Variants in STK3 observed in about 807,000 individuals in gnomAD.
STK3 encodes serine/threonine-protein kinase 3.
STK3 carries 41 observed loss-of-function variants against 58.0 expected under a neutral mutation model. The ratio of observed to expected loss-of-function variants is 0.71; its 90% confidence interval spans 0.55 to 0.92. The LOEUF (loss-of-function observed/expected upper bound fraction) is 0.92, where lower values mean the gene tolerates loss of function less well. STK3 is among the 40% of genes least tolerant of loss of function. STK3 has a pLI of 0.00. For synonymous variants in STK3, 170 were observed against 191.0 expected (o/e 0.89, Z 0.91); for missense variants, 479 against 602.7 (o/e 0.79, Z 2.15).
In STK3 at chr8:98,872,695, A is replaced by T. The variant is rs180857206; in HGVS notation, c.110+10952T>A. ...GGGATTGGTGGTGATATCCTCTTTAACATTTTTTATTGCGTCTATCTGATT... is the reference window on the plus strand; with the variant it reads ...GGGATTGGTGGTGATATCCTCTTTATCATTTTTTATTGCGTCTATCTGATT... On this transcript the variant is annotated intron_variant, in intron 3 of 12. Transcript: ENST00000523601. 2.0e-5 allele frequency among the ~76,000 whole-genome samples: 3 copies of T among 151,956 alleles called. No individual in the cohort carries two copies. The East Asian group carries it at 5.8e-4, about 29-fold the overall frequency.
chr8:98,815,258 T>C (rs1448228282), intron 1 of STK3, among the ~76,000 whole-genome samples: 1 of 152,186 alleles, frequency 6.6e-6, no homozygotes, highest in Non-Finnish European at 1.5e-5. Context: ...GGAGAGACTA[T>C]CCAGAGAAAA....
intron 1 of STK3, among the ~76,000 whole-genome samples, chr8:98,806,312 T>A (rs1000850197): frequency 1.3e-5 from 2 of 152,064 alleles, no homozygotes; most frequent in African/African-American, 2.4e-5. Flanking sequence ...AAAAAATATA[T>A]CTTCCTATAT....
intron 8 of STK3, among the ~76,000 whole-genome samples, chr8:98,556,947 G>A (rs1811634548): frequency 6.6e-6 from 1 of 152,040 alleles, no homozygotes; most frequent in Non-Finnish European, 1.5e-5. Flanking sequence ...AATCTAAAGA[G>A]AAAGTTGAGA....
chr8:98,419,218 G>T (rs1462880786), intron 3 of STK3, among the ~76,000 whole-genome samples: 1 of 152,142 alleles, frequency 6.6e-6, no homozygotes, highest in African/African-American at 2.4e-5. Flanking sequence ...AAAATTAGCT[G>T]GGCGTGGTGG....
chr8:98,816,548 C>T (rs180994105), intron 1 of STK3, among the ~76,000 whole-genome samples: 2 of 152,034 alleles, frequency 1.3e-5, no homozygotes, highest in East Asian at 3.9e-4. Context: ...AAAACACAAC[C>T]TAGAGACAGT....
chr8:98,628,967 G>A (rs1447120339), intron 6 of STK3, among the ~76,000 whole-genome samples: 1 of 152,136 alleles, frequency 6.6e-6, no homozygotes, highest in East Asian at 1.9e-4. Context: ...GGGGGATGTT[G>A]AGAGAAGCCT....
At chr8:98,630,224 T>C (rs1163863465) in intron 6 of STK3, among the ~76,000 whole-genome samples, 2 of 152,198 alleles carry the variant, frequency 1.3e-5, no homozygotes, top group African/African-American at 4.8e-5. Context: ...TCAATGGCAG[T>C]TGTCTCCTGA....
At chr8:98,355,523 G>C in the STK3 span, among the ~76,000 whole-genome samples, 4 of 152,230 alleles carry the variant, frequency 2.6e-5, no homozygotes, top group Non-Finnish European at 4.4e-5. Flanking sequence ...GATAGCAACT[G>C]CTGGGGGCAT....
In STK3 at chr8:98,408,539, G is replaced by T. The variant is rs116170891; in HGVS notation, n.484-7026C>A. The stretch of plus-strand genomic sequence containing the variant: ...CTACCCAATTTTGGTTGACTCAAAC[G>T]CACAACAATTTATTCTCAAATACTC... On this transcript the variant is annotated intron_variant and non_coding_transcript_variant, in intron 3 of 3. Transcript: ENST00000517832. Among the ~76,000 whole-genome samples the T allele has an allele frequency of 1.4e-3, 210 of 152,224 alleles. 1 individual carries two copies. Among genetic ancestry groups the T allele is most frequent in the Non-Finnish European group, 1.9e-3 (128 of 68,014 alleles).
intron 6 of STK3, among the ~76,000 whole-genome samples, chr8:98,695,455 T>C (rs959276403): frequency 1.3e-5 from 2 of 152,232 alleles, no homozygotes; most frequent in African/African-American, 4.8e-5. Context: ...GCCTAGGTTT[T>C]CTTCTAGGAT....
In STK3 at chr8:98,767,348, G is replaced by A; in HGVS notation, c.131C>T (p.Ala44Val). The change falls in exon 3 of 11, where the codon GCA becomes GTA. Residue 44 changes from alanine (A) to valine (V), a missense_variant. Transcript: ENST00000419617. ...GEGSYGSVFK[A>V]IHKESGQVVA... ...AACTTGACCGGATTCCTTGTGTATT[G>A]CTTTAAATACACTTCCATAAGACCT... The A allele has an allele frequency of 6.2e-7, 1 of 1,607,158 alleles. No individual in the cohort carries two copies. Among genetic ancestry groups the A allele is most frequent in the Non-Finnish European group, 8.5e-7 (1 of 1,178,354 alleles).
chr8:98,880,316 G>C (rs1411832804), downstream of STK3: 1 of 152,072 alleles, frequency 6.6e-6, no homozygotes, highest in African/African-American at 2.4e-5. Flanking sequence ...GCCAAAAAAA[G>C]TAAGAAATGT....
intron 7 of STK3, among the ~76,000 whole-genome samples, chr8:98,593,773 G>A (rs979816613): frequency 1.3e-5 from 2 of 152,070 alleles, no homozygotes; most frequent in Non-Finnish European, 2.9e-5. Context: ...CAAAAAGGTT[G>A]GGGACAACTA....
chr8:98,543,977 A>G (rs1325846112), intron 9 of STK3, among the ~76,000 whole-genome samples: 3 of 150,278 alleles, frequency 2.0e-5, no homozygotes, highest in Admixed American at 1.3e-4. Flanking sequence ...TTTAGAATAT[A>G]AGAGAGTGGC....
chr8:98,512,724 T>C (rs148852261), intron 10 of STK3, among the ~76,000 whole-genome samples: 132 of 152,310 alleles, frequency 8.7e-4, no homozygotes, highest in South Asian at 1.4e-3. Context: ...TTAGATAGCA[T>C]GAATTCTGAA....
intron 6 of STK3, among the ~76,000 whole-genome samples, chr8:98,653,854 CA>C (rs1018484433): frequency 4.6e-5 from 7 of 151,936 alleles, no homozygotes; most frequent in Non-Finnish European, 7.4e-5. Context: ...GCTTACCAAC[CA>C]AAAAAACTCC....
At chr8:98,364,148 G>A in the STK3 span, among the ~76,000 whole-genome samples, 1 of 152,168 alleles carries the variant, frequency 6.6e-6, no homozygotes, top group East Asian at 1.9e-4. Context: ...CCTGGAGCCT[G>A]GGTAGTGGGA....
At chr8:98,860,373 G>A (rs940804113) in intron 3 of STK3, among the ~76,000 whole-genome samples, 6 of 152,160 alleles carry the variant, frequency 3.9e-5, no homozygotes, top group African/African-American at 4.8e-5. Context: ...GTGGGAAGAC[G>A]CCCAAGAAGA....
chr8:98,532,086 G>T (rs1826206182), intron 9 of STK3, among the ~76,000 whole-genome samples: 1 of 152,194 alleles, frequency 6.6e-6, no homozygotes, highest in Non-Finnish European at 1.5e-5. Context: ...TTTCCTTTAA[G>T]AAGTTTTTCT....
Sources: allele counts gnomAD v4.1 joint callset (sites outside exome capture counted in the v4.1 genomes callset), GRCh38; gene constraint gnomAD v4.1.1; transcripts MANE v1.5; gene names NCBI Gene and HGNC (gene_info 2026-07-23, HGNC 2026-07-21).